The following ANXA13 variants were observed in gnomAD, a reference collection of about 807,000 sequenced individuals.
The protein encoded by ANXA13 is annexin A13, also known as annexin XIII.
In ANXA13, 36 loss-of-function variants were observed where a neutral mutation model predicts 46.6. That is an observed-to-expected ratio of 0.77 (90% confidence interval 0.59 to 1.02). The LOEUF (loss-of-function observed/expected upper bound fraction) is 1.02. Among genes scored for constraint, ANXA13 ranks in the 50% least tolerant of loss-of-function variants. The pLI, the probability that ANXA13 is intolerant of heterozygous loss-of-function variation, is 0.00. For missense variants in ANXA13, 417 were observed against 396.5 expected, an observed-to-expected ratio of 1.05 and a Z score of -0.44; for synonymous variants, 163 against 152.9, an observed-to-expected ratio of 1.07 and a Z score of -0.49.
At chr8:123,724,840 A>G (rs188843140) in intron 1 of ANXA13, among the ~76,000 whole-genome samples, 1 of 152,328 alleles carries the variant, frequency 6.6e-6, no homozygotes, top group East Asian at 1.9e-4. Flanking sequence ...TATCTGGCCC[A>G]TTACTTATTT....
At chr8:123,725,243 G>C (rs1404462379) in intron 1 of ANXA13, among the ~76,000 whole-genome samples, 1 of 152,130 alleles carries the variant, frequency 6.6e-6, no homozygotes, top group African/African-American at 2.4e-5. Context: ...ATAATTAGTA[G>C]AAGAGGTAAC....
At chr8:123,691,826 T>A (rs898933579) in intron 8 of ANXA13, among the ~76,000 whole-genome samples, 2 of 152,222 alleles carry the variant, frequency 1.3e-5, no homozygotes, top group African/African-American at 4.8e-5. Flanking sequence ...TGGTGCTGTT[T>A]CAGGATCAAC....
At chr8:123,717,125 G>A (rs1285269891) in intron 1 of ANXA13, among the ~76,000 whole-genome samples, 2 of 152,174 alleles carry the variant, frequency 1.3e-5, no homozygotes, top group Admixed American at 6.5e-5. Context: ...AATGATTTTG[G>A]AGGTCTGCGC....
At chr8:123,687,837 G>A (rs757558576) in intron 9 of ANXA13, among the ~76,000 whole-genome samples, 6 of 152,158 alleles carry the variant, frequency 3.9e-5, no homozygotes, top group Non-Finnish European at 8.8e-5. Flanking sequence ...AAGAAAGAAG[G>A]AGCCTGTCAG....
rs375596706 is a variant in ANXA13, at chr8:123,697,460, G to A, written c.357+929C>T. Among the ~76,000 whole-genome samples, 11 of 152,138 alleles carry A rather than the reference G, an allele frequency of 7.2e-5. No homozygotes were observed. In the South Asian group the frequency reaches 8.3e-4, roughly 11 times the overall value. Reference sequence around the variant, plus strand: ...TATCTTGTGGGGAGAAAAGAAGTCCGGGGATGCTCCAGAAAAGGTTTGCAC... The same window carrying A: ...TATCTTGTGGGGAGAAAAGAAGTCCAGGGATGCTCCAGAAAAGGTTTGCAC... On this transcript the variant is annotated intron_variant, in intron 4 of 10. Transcript: ENST00000419625.
chr8:123,735,943 T>A (rs978209521), intron 1 of ANXA13: 2 of 1,500,982 alleles, frequency 1.3e-6, no homozygotes, highest in African/African-American at 2.8e-5. Flanking sequence ...CTCCCTAGGT[T>A]GACTTTCAAA....
chr8:123,734,242 A>G (rs1329997045), intron 1 of ANXA13, among the ~76,000 whole-genome samples: 1 of 152,178 alleles, frequency 6.6e-6, no homozygotes. Flanking sequence ...TGGTAAAGTA[A>G]TCTTAATATT....
chr8:123,731,988 T>TG (rs1373806145), intron 1 of ANXA13, among the ~76,000 whole-genome samples: 2 of 151,998 alleles, frequency 1.3e-5, no homozygotes, highest in African/African-American at 2.4e-5. Context: ...CAATCCAGCT[T>TG]GGGGGGCAGG....
intron 2 of ANXA13, among the ~76,000 whole-genome samples, chr8:123,704,919 T>C (rs1443128152): frequency 6.6e-6 from 1 of 152,226 alleles, no homozygotes; most frequent in Non-Finnish European, 1.5e-5. Context: ...GATCAGCGCC[T>C]CTAGCCCTAA....
intron 1 of ANXA13, among the ~76,000 whole-genome samples, chr8:123,733,219 TA>T (rs1814162135): frequency 6.6e-6 from 1 of 151,926 alleles, no homozygotes; most frequent in Non-Finnish European, 1.5e-5. Context: ...AATAAATAAA[TA>T]AATAAGGATC....
intron 1 of ANXA13, among the ~76,000 whole-genome samples, chr8:123,721,384 G>A (rs1288838412): frequency 2.0e-5 from 3 of 152,074 alleles, no homozygotes; most frequent in Non-Finnish European, 4.4e-5. Context: ...TTTTTCCTCC[G>A]TATCTTTTCC....
chr8:123,698,730 C>T (rs913329810), intron 3 of ANXA13, among the ~76,000 whole-genome samples, 171 bp from the exon 4 acceptor site: 8 of 152,200 alleles, frequency 5.3e-5, no homozygotes, highest in Non-Finnish European at 8.8e-5. Flanking sequence ...TGCCCATCCA[C>T]GTTTCCCCAG....
chr8:123,721,065 A>G (rs1813861704), intron 1 of ANXA13, among the ~76,000 whole-genome samples: 1 of 152,192 alleles, frequency 6.6e-6, no homozygotes, highest in Non-Finnish European at 1.5e-5. Context: ...GTACAGTTCT[A>G]TTCTTTACTT....
At chr8:123,691,438 C>A (rs1400436696) in intron 8 of ANXA13, among the ~76,000 whole-genome samples, 1 of 152,152 alleles carries the variant, frequency 6.6e-6, no homozygotes, top group African/African-American at 2.4e-5. Context: ...TACATATAAG[C>A]TTTAGCCCTG....
intron 10 of ANXA13, among the ~76,000 whole-genome samples, chr8:123,682,430 C>A (rs1813056911): frequency 6.6e-6 from 1 of 152,220 alleles, no homozygotes; most frequent in Non-Finnish European, 1.5e-5. Flanking sequence ...AACCAGGAGT[C>A]TTTCTTTTCT....
chr8:123,698,576 A>G lies in ANXA13; in HGVS notation c.187-17T>C, dbSNP rs373386600. 8.6e-5 allele frequency: 138 copies of G among 1,612,870 alleles called. No individual in the cohort carries two copies. In the Middle Eastern group the frequency reaches 1.6e-3, roughly 19 times the overall value. On this transcript the variant is annotated splice_polypyrimidine_tract_variant and intron_variant, in intron 3 of 10. Transcript: ENST00000419625. ...CTCCAGCTCCTACCAGAAGACAGTG[A>G]GAGACGTGCTGGGAATGGCCCAGGA...
At chr8:123,716,993 A>G (rs1357526250) in intron 1 of ANXA13, among the ~76,000 whole-genome samples, 1 of 152,196 alleles carries the variant, frequency 6.6e-6, no homozygotes, top group Non-Finnish European at 1.5e-5. Context: ...ACTAGGAGAC[A>G]TTGTAGAGCC....
At chr8:123,686,944 G>A (rs1813150717) in intron 9 of ANXA13, among the ~76,000 whole-genome samples, 2 of 152,192 alleles carry the variant, frequency 1.3e-5, no homozygotes, top group Non-Finnish European at 2.9e-5. Flanking sequence ...TACCACTGGA[G>A]TACAGCTCTC....
chr8:123,697,328 G>A (rs530012632), intron 4 of ANXA13, among the ~76,000 whole-genome samples: 1 of 152,308 alleles, frequency 6.6e-6, no homozygotes, highest in South Asian at 2.1e-4. Context: ...CTGAGTGGGG[G>A]AAGTTGTGTG....
Sources: gnomAD v4.1 joint callset for allele counts (sites outside exome capture counted in the v4.1 genomes callset) on GRCh38, gnomAD v4.1.1 for gene constraint, MANE v1.5 for transcripts, NCBI Gene and HGNC (gene_info 2026-07-23, HGNC 2026-07-21) for gene names.